The following DSG2 variants were observed in gnomAD, a reference collection of about 807,000 sequenced individuals.
DSG2 encodes desmoglein-2.
A neutral mutation model predicts 75.6 loss-of-function variants in DSG2; 45 were observed. That is an observed-to-expected ratio of 0.60 (90% CI 0.47 to 0.76). The LOEUF (loss-of-function observed/expected upper bound fraction) is 0.76. DSG2 is among the 30% of genes least tolerant of loss of function. The probability of loss-of-function intolerance (pLI) is 0.00; values close to 1 mark genes in which losing one functional copy is unlikely to be tolerated. For synonymous variants in DSG2, 429 were observed against 483.9 expected (o/e 0.89, Z 1.49); for missense variants, 1,267 against 1,357.4 (o/e 0.93, Z 1.05).
intron 1 of DSG2, among the ~76,000 whole-genome samples, chr18:31,501,692 T>C (rs531523271): frequency 6.6e-6 from 1 of 152,224 alleles, no homozygotes; most frequent in Non-Finnish European, 1.5e-5. Flanking sequence ...TCTGTGTCCT[T>C]GTCCAAATTT....
chr18:31,498,750 A>G (rs2072998249), intron 1 of DSG2, among the ~76,000 whole-genome samples: 1 of 152,222 alleles, frequency 6.6e-6, no homozygotes, highest in African/African-American at 2.4e-5. Flanking sequence ...GACACAAGCC[A>G]GTGAACTGGG....
chr18:31,524,809 T>C lies in DSG2; in HGVS notation c.935T>C (p.Phe312Ser). 6.2e-7 allele frequency: 1 copy of C among 1,614,182 alleles called. No homozygotes were observed. The highest frequency in any genetic ancestry group is 8.5e-7 in the Non-Finnish European group (1 of 1,180,016). The change falls in exon 8 of 15, where the codon TTT becomes TCT. Residue 312 changes from phenylalanine (F) to serine (S), a missense_variant. Transcript: ENST00000261590. ...GATAATTGGCTGGCAAATTTTACAT[T>C]TGCATCAGGAAATGAAGGAGGTTAT... The part of the protein sequence containing the change: ...GSDNWLANFT[F>S]ASGNEGGYFH...
At chr18:31,527,416 A>G (rs2144327104) in intron 8 of DSG2, among the ~76,000 whole-genome samples, 1 of 152,306 alleles carries the variant, frequency 6.6e-6, no homozygotes, top group Non-Finnish European at 1.5e-5. Flanking sequence ...GTGTACTATG[A>G]TAGCACAAAA....
At chr18:31,530,926 A>G in intron 8 of DSG2, 61 bp from the exon 9 acceptor site, 15 of 1,529,026 alleles carry the variant, frequency 9.8e-6, no homozygotes, top group Non-Finnish European at 1.3e-5. Flanking sequence ...ATGTATATGT[A>G]TATGTATACA....
chr18:31,498,581 T>C (rs2072997199), intron 1 of DSG2, among the ~76,000 whole-genome samples: 1 of 152,034 alleles, frequency 6.6e-6, no homozygotes. Flanking sequence ...CTGTGGTGTG[T>C]GGGTGTAGTG....
chr18:31,548,536 T>C lies in DSG2; in HGVS notation c.*1793T>C, dbSNP rs2073330828. 6.6e-6 allele frequency: 1 copy of C among 152,222 alleles called. No individual in the cohort carries two copies. Among genetic ancestry groups the C allele is most frequent in the Admixed American group, 6.5e-5 (1 of 15,284 alleles). The allele number at this position is 152,222 out of a possible 1,614,324, so 9.4% of individuals were successfully genotyped here. A position where few individuals can be genotyped will look rare whatever the true frequency, so the allele number is the denominator to read the frequency against. ...TTACTCTTCCATCATCTAGAATTGTTTACTTAGTAATTGTTGTTTCTTTTA... is the reference window on the plus strand; with the variant it reads ...TTACTCTTCCATCATCTAGAATTGTCTACTTAGTAATTGTTGTTTCTTTTA... On this transcript the variant is annotated 3_prime_UTR_variant, in exon 15 of 15. Transcript: ENST00000261590.
chr18:31,518,703 G>C (rs1046082040), intron 2 of DSG2, among the ~76,000 whole-genome samples: 3 of 149,986 alleles, frequency 2.0e-5, no homozygotes, highest in African/African-American at 4.9e-5. Context: ...TCAATTTTTT[G>C]TCATAGAAAA....
intron 8 of DSG2, among the ~76,000 whole-genome samples, chr18:31,526,022 TAATTC>T (rs2073161220): frequency 6.6e-6 from 1 of 152,118 alleles, no homozygotes; most frequent in African/African-American, 2.4e-5. Context: ...TGCATGCCTG[TAATTC>T]CAGCTTCTCA....
At chr18:31,519,081 T>G (rs2073111570) in intron 2 of DSG2, among the ~76,000 whole-genome samples, 1 of 152,190 alleles carries the variant, frequency 6.6e-6, no homozygotes, top group Non-Finnish European at 1.5e-5. Context: ...TAAAAAACAT[T>G]TAGTAATTTA....
At chr18:31,498,928 A>G (rs2072999317) in intron 1 of DSG2, among the ~76,000 whole-genome samples, 1 of 152,190 alleles carries the variant, frequency 6.6e-6, no homozygotes, top group Non-Finnish European at 1.5e-5. Flanking sequence ...AAGATAATAA[A>G]CATATGTAAT....
In DSG2 at chr18:31,519,941, C is replaced by T; in HGVS notation, c.216+4C>T. 6.2e-7 allele frequency: 1 copy of T among 1,614,084 alleles called. No homozygotes were observed. Among genetic ancestry groups the T allele is most frequent in the South Asian group, 1.1e-5 (1 of 91,070 alleles). ...CAAGAAGAATCCAATTGCCAAGGTACCTCCTAAAGAGGAACATGAAATACA... is the reference window on the plus strand; with the variant it reads ...CAAGAAGAATCCAATTGCCAAGGTATCTCCTAAAGAGGAACATGAAATACA... On this transcript the variant is annotated splice_donor_region_variant and intron_variant, in intron 3 of 14. Coordinates refer to ENST00000261590, the MANE Select transcript of DSG2 (RefSeq NM_001943.5).
At chr18:31,539,884 A>G (rs759106636) in intron 12 of DSG2, among the ~76,000 whole-genome samples, 6 of 152,168 alleles carry the variant, frequency 3.9e-5, no homozygotes, top group Non-Finnish European at 5.9e-5. Flanking sequence ...ACCTCCTGTT[A>G]GACCAGTGCT....
intron 2 of DSG2, among the ~76,000 whole-genome samples, chr18:31,519,072 A>G (rs2073111414): frequency 6.6e-6 from 1 of 152,222 alleles, no homozygotes; most frequent in Non-Finnish European, 1.5e-5. Flanking sequence ...ATTTAGCCTT[A>G]AAAAACATTT....
intron 1 of DSG2, among the ~76,000 whole-genome samples, chr18:31,511,722 A>C (rs2073068132): frequency 6.6e-6 from 1 of 152,230 alleles, no homozygotes. Context: ...GATGCACATC[A>C]ATTCTTCTGA....
At chr18:31,536,092 T>A (rs2073228219) in intron 10 of DSG2, 110 bp from the exon 11 acceptor site, 1 of 953,524 alleles carries the variant, frequency 1.0e-6, no homozygotes, top group South Asian at 1.4e-5. Flanking sequence ...ATAGAAAATG[T>A]CCTAAGTGGT....
At chr18:31,504,631 G>A (rs953536787) in intron 1 of DSG2, among the ~76,000 whole-genome samples, 5 of 152,156 alleles carry the variant, frequency 3.3e-5, no homozygotes, top group Non-Finnish European at 7.3e-5. Flanking sequence ...AATGGCAGTG[G>A]CCAAGAGGGT....
At chr18:31,534,927 C>T (rs1435437614) in intron 9 of DSG2, among the ~76,000 whole-genome samples, 4 of 152,190 alleles carry the variant, frequency 2.6e-5, no homozygotes, top group Non-Finnish European at 5.9e-5. Flanking sequence ...AAGTTATTCC[C>T]CAAAAGTTTA....
intron 9 of DSG2, 132 bp from the exon 10 acceptor site, chr18:31,535,138 A>C (rs182632666): frequency 6.5e-4 from 463 of 715,080 alleles, no homozygotes; most frequent in Non-Finnish European, 9.7e-4. Flanking sequence ...CAAAATTAAA[A>C]ACATTCAAAA....
intron 1 of DSG2, among the ~76,000 whole-genome samples, chr18:31,500,807 A>G (rs936266285): frequency 6.6e-6 from 1 of 152,196 alleles, no homozygotes; most frequent in African/African-American, 2.4e-5. Context: ...TTCCTCTTCA[A>G]GGGTTCTTTG....
Sources: allele counts gnomAD v4.1 joint callset (sites outside exome capture counted in the v4.1 genomes callset), GRCh38; gene constraint gnomAD v4.1.1; transcripts MANE v1.5; gene names NCBI Gene and HGNC (gene_info 2026-07-23, HGNC 2026-07-21).